Variants in RNF17 observed in about 807,000 individuals in gnomAD.
The protein encoded by RNF17 is ring finger protein 17.
Under a neutral mutation model 200.5 loss-of-function variants are expected in RNF17, and 31 were observed. The observed-to-expected ratio is 0.15, with a 90% CI of 0.12 to 0.21. The LOEUF (loss-of-function observed/expected upper bound fraction) is 0.21. Among genes scored for constraint, RNF17 ranks in the 10% least tolerant of loss-of-function variants. RNF17 has a pLI of 1.00. For missense variants in RNF17, 1,628 were observed against 1,905.1 expected, an observed-to-expected ratio of 0.85 and a Z score of 2.71; for synonymous variants, 606 against 637.8, an observed-to-expected ratio of 0.95 and a Z score of 0.75.
chr13:24,876,082 G>A (rs941771381), intron 33 of RNF17, among the ~76,000 whole-genome samples: 5 of 152,026 alleles, frequency 3.3e-5, no homozygotes, highest in Non-Finnish European at 4.4e-5. Flanking sequence ...TTTAAAGGGC[G>A]CCCATTTTTG....
At chr13:24,880,678 T>C (rs1005311998), downstream of RNF17, among the ~76,000 whole-genome samples, 16 of 152,238 alleles carry the variant, frequency 1.1e-4, no homozygotes, top group African/African-American at 3.6e-4. Flanking sequence ...TGTTCCTCTT[T>C]AGGAGCCTTG....
At chr13:24,847,763 A>T (rs920348164) in intron 22 of RNF17, among the ~76,000 whole-genome samples, 12 of 152,076 alleles carry the variant, frequency 7.9e-5, no homozygotes, top group Non-Finnish European at 1.8e-4. Flanking sequence ...TCTTACAGGC[A>T]CCTCTTCCTA....
intron 32 of RNF17, among the ~76,000 whole-genome samples, 198 bp downstream of exon 32, chr13:24,870,937 AC>A (rs766717805): frequency 6.6e-6 from 1 of 152,224 alleles, no homozygotes; most frequent in Non-Finnish European, 1.5e-5. Flanking sequence ...GAACTAAGAG[AC>A]GCTAAGTAAA....
chr13:24,861,376 A>G lies in RNF17; in HGVS notation c.3883A>G (p.Asn1295Asp). The change falls in exon 27 of 36, where the codon AAT (asparagine) becomes GAT (aspartate). Residue 1295 changes from asparagine (N) to aspartate (D), a missense_variant. Coordinates refer to ENST00000255324, the MANE Select transcript of RNF17 (RefSeq NM_031277.3). Reference sequence around the variant, plus strand: ...GTTTTGTATTCCTTGTCAGCTCCATAATACCACACCTGTGAGTACATAATA... The same window carrying G: ...GTTTTGTATTCCTTGTCAGCTCCATGATACCACACCTGTGAGTACATAATA... ...PQFCIPCQLH[N>D]TTPVGNVWQP... is the part of the protein sequence containing the mutation. 1.3e-6 allele frequency: 2 copies of G among 1,560,552 alleles called. No individual in the cohort carries two copies. The highest frequency in any genetic ancestry group is 8.7e-7 in the Non-Finnish European group (1 of 1,147,708).
At chr13:24,805,184 A>AT (rs1201828847) in intron 15 of RNF17, among the ~76,000 whole-genome samples, 2 of 152,040 alleles carry the variant, frequency 1.3e-5, no homozygotes, top group African/African-American at 4.8e-5. Context: ...TCTTTTGTTG[A>AT]TTTTTTACAG....
chr13:24,862,000 G>C (rs1287012728), intron 27 of RNF17, among the ~76,000 whole-genome samples: 1 of 150,970 alleles, frequency 6.6e-6, no homozygotes, highest in East Asian at 1.9e-4. Flanking sequence ...TTCTTCACAA[G>C]GTTGCAGGAG....
upstream of RNF17, among the ~76,000 whole-genome samples, chr13:24,763,137 G>A (rs1878950412): frequency 1.3e-5 from 2 of 151,606 alleles, no homozygotes; most frequent in Admixed American, 6.6e-5. Flanking sequence ...TCATACCACC[G>A]TAGACCATAT....
the RNF17 span, among the ~76,000 whole-genome samples, chr13:24,749,899 G>A: frequency 1.3e-5 from 2 of 152,080 alleles, no homozygotes; most frequent in East Asian, 1.9e-4. Flanking sequence ...ACAGGCATGC[G>A]ACACCACACC....
chr13:24,789,740 T>C lies in RNF17; in HGVS notation c.903T>C (p.Asn301=), dbSNP rs1385999487. ...NCSEIICMFN[N]MGKIEFRDST... ...GTGAGATCATCTGTATGTTCAACAA[T>C]ATGGGAAAGATTGAATTTAGGGACT... The change falls in exon 9 of 36, where the codon AAT becomes AAC. Residue 301 remains asparagine (N), a synonymous_variant. Coordinates refer to ENST00000255324, the MANE Select transcript of RNF17 (RefSeq NM_031277.3). 2 of 1,601,196 alleles carry C rather than the reference T, an allele frequency of 1.2e-6. No individual in the cohort carries two copies. The highest frequency in any genetic ancestry group is 8.6e-7 in the Non-Finnish European group (1 of 1,168,898).
intron 2 of RNF17, among the ~76,000 whole-genome samples, chr13:24,769,101 A>G (rs1243266325): frequency 6.7e-6 from 1 of 149,062 alleles, no homozygotes; most frequent in African/African-American, 2.5e-5. Context: ...TGATGGATTC[A>G]GTCTTGTGGG....
At chr13:24,852,294 T>A (rs1384459011) in intron 24 of RNF17, among the ~76,000 whole-genome samples, 9 of 152,032 alleles carry the variant, frequency 5.9e-5, no homozygotes, top group South Asian at 2.1e-4. Context: ...GGCCGCCACC[T>A]CGCCTGGCTA....
Position 24,774,853 on chromosome 13 carries a change from T to C in RNF17, c.266T>C (p.Met89Thr), listed in dbSNP as rs1039730919. 2 of 1,612,624 alleles carry C rather than the reference T, an allele frequency of 1.2e-6. No individual in the cohort carries two copies. Among genetic ancestry groups the C allele is most frequent in the African/African-American group, 2.7e-5 (2 of 74,888 alleles). The change falls in exon 3 of 36, where the codon ATG (methionine) becomes ACG (threonine). Residue 89 changes from methionine (M) to threonine (T), a missense_variant. Physicochemically the swap from Met to Thr is moderately conservative, Grantham distance 81. Transcript: ENST00000255324. ...AVNTRQRYYP[M>T]AGYIKEDSIM... ...AATACTAGACAACGCTACTACCCAA[T>C]GGCTGGATATATTAAGGAAGACTCC...
chr13:24,789,748 A>G lies in RNF17; in HGVS notation c.911A>G (p.Lys304Arg). The G allele has an allele frequency of 2.5e-6, 4 of 1,598,924 alleles. No homozygotes were observed. Among genetic ancestry groups the G allele is most frequent in the Non-Finnish European group, 3.4e-6 (4 of 1,166,822 alleles). ...EIICMFNNMG[K>R]IEFRDSTKCY... Reference sequence around the variant, plus strand: ...ATCTGTATGTTCAACAATATGGGAAAGATTGAATTTAGGGACTCAACAAAG... The same window carrying G: ...ATCTGTATGTTCAACAATATGGGAAGGATTGAATTTAGGGACTCAACAAAG... The change falls in exon 9 of 36, where the codon AAG (lysine) becomes AGG (arginine). Residue 304 changes from lysine (K) to arginine (R), a missense_variant. Around this residue, in one of 5 missense-constraint regions of RNF17, gnomAD observed 502 missense variants for 501.7 expected, o/e 1.00. Transcript: ENST00000255324.
At chr13:24,767,159 G>A in intron 1 of RNF17, 113 bp from the exon 2 acceptor site, 1 of 672,836 alleles carries the variant, frequency 1.5e-6, no homozygotes, top group Non-Finnish European at 2.6e-6. Context: ...AGCCCAAGAG[G>A]TGGAGGCTGC....
chr13:24,797,885 T>G (rs1205175927), intron 11 of RNF17, among the ~76,000 whole-genome samples: 1 of 152,062 alleles, frequency 6.6e-6, no homozygotes, highest in Non-Finnish European at 1.5e-5. Context: ...TATCATAAAA[T>G]TCATAAAGTA....
At chr13:24,826,775 A>C (rs1412466501) in intron 16 of RNF17, among the ~76,000 whole-genome samples, 1 of 150,818 alleles carries the variant, frequency 6.6e-6, no homozygotes, top group Non-Finnish European at 1.5e-5. Context: ...TGTCTGAAAA[A>C]AAAGGCCGGG....
downstream of RNF17, among the ~76,000 whole-genome samples, chr13:24,884,758 G>C (rs1207605432): frequency 2.6e-5 from 4 of 152,066 alleles, no homozygotes; most frequent in Non-Finnish European, 2.9e-5. Context: ...GTTGTTCTTT[G>C]TCCTTCTCTC....
At chr13:24,851,221 C>T (rs962659334) in intron 23 of RNF17, among the ~76,000 whole-genome samples, 13 of 152,140 alleles carry the variant, frequency 8.5e-5, no homozygotes, top group African/African-American at 2.7e-4. Context: ...CTCAAACTCC[C>T]GACCTCAAGT....
At chr13:24,821,642 T>C (rs1418815666) in intron 15 of RNF17, among the ~76,000 whole-genome samples, 1 of 152,190 alleles carries the variant, frequency 6.6e-6, no homozygotes, top group Admixed American at 6.5e-5. Context: ...CTCTATTGAA[T>C]TTTTTCTCCT....
Sources: allele counts gnomAD v4.1 joint callset (sites outside exome capture counted in the v4.1 genomes callset), GRCh38; gene constraint gnomAD v4.1.1; regional missense constraint gnomAD v4.1.1; transcripts MANE v1.5; gene names NCBI Gene and HGNC (gene_info 2026-07-23, HGNC 2026-07-21).